The following CRTC1 variants were observed in gnomAD, a reference collection of about 807,000 sequenced individuals.
The protein encoded by CRTC1 is CREB regulated transcription coactivator 1.
CRTC1 carries 18 observed loss-of-function variants against 66.1 expected under a neutral mutation model. That is an observed-to-expected ratio of 0.27 (90% CI 0.19 to 0.40). The LOEUF (loss-of-function observed/expected upper bound fraction) is 0.40, where lower values mean the gene tolerates loss of function less well. Among genes scored for constraint, CRTC1 ranks in the 10% least tolerant of loss-of-function variants. CRTC1 has a pLI of 1.00. For missense variants in CRTC1, 669 were observed against 887.9 expected, an observed-to-expected ratio of 0.75 and a Z score of 3.13; for synonymous variants, 416 against 398.8, an observed-to-expected ratio of 1.04 and a Z score of -0.51.
intron 3 of CRTC1, among the ~76,000 whole-genome samples, chr19:18,746,490 C>T (rs993390694): frequency 3.3e-5 from 5 of 151,818 alleles, no homozygotes; most frequent in African/African-American, 9.6e-5. Flanking sequence ...CCCCCTCCCC[C>T]CCAACTCAGC....
At chr19:18,753,632 T>C in intron 6 of CRTC1, 47 bp downstream of exon 6, 4 of 1,443,252 alleles carry the variant, frequency 2.8e-6, no homozygotes, top group Non-Finnish European at 3.9e-6. Flanking sequence ...CTTTCTCTTC[T>C]CAAGCATCAC....
At chr19:18,693,073 TC>T (rs1204128003) in intron 1 of CRTC1, among the ~76,000 whole-genome samples, 3 of 30,550 alleles carry the variant, frequency 9.8e-5, no homozygotes, top group East Asian at 8.6e-4. Context: ...AGACTCCGTC[TC>T]AAAAAAAAAA....
In CRTC1 at chr19:18,704,987, CTA is replaced by C. The variant is rs2053231116; in HGVS notation, c.126+21161_126+21162del. 2.0e-5 allele frequency among the ~76,000 whole-genome samples: 3 copies of C among 150,222 alleles called. No homozygotes were observed. The South Asian group carries it at 6.4e-4, about 32-fold the overall frequency. ...GCAACCACCATCCTATTTTCCACCT[CTA>C]TGAGTTTGACGACTCCAGGGACCTC... On this transcript the variant is annotated intron_variant, in intron 1 of 13. Coordinates refer to ENST00000321949, the MANE Select transcript of CRTC1 (RefSeq NM_015321.3).
chr19:18,750,201 A>G (rs903859200), intron 5 of CRTC1, among the ~76,000 whole-genome samples: 14 of 152,220 alleles, frequency 9.2e-5, no homozygotes, highest in Non-Finnish European at 1.6e-4. Context: ...AGCCCACGCA[A>G]AGGAGCATTT....
Position 18,742,915 on chromosome 19 carries a change from G to C in CRTC1, c.132G>C (p.Gln44His), listed in dbSNP as rs1205384430. ...DLSLTRAARL[Q>H]LQKSQYLQLG... Reference sequence around the variant, plus strand: ...TGCTGGCTTCTCTCTCGCAGCTCCAGCTCCAGAAATCCCAGTACCTGCAAC... The same window carrying C: ...TGCTGGCTTCTCTCTCGCAGCTCCACCTCCAGAAATCCCAGTACCTGCAAC... The change falls in exon 2 of 14, where the codon CAG (glutamine) becomes CAC (histidine). Residue 44 changes from glutamine (Q) to histidine (H), a missense_variant. This residue lies in a region of CRTC1 where 5 missense variants were observed against 39.0 expected (regional missense o/e 0.13). Transcript: ENST00000321949. The C allele has an allele frequency of 3.7e-6, 6 of 1,613,126 alleles. No homozygotes were observed. Among genetic ancestry groups the C allele is most frequent in the Non-Finnish European group, 5.1e-6 (6 of 1,179,676 alleles).
chr19:18,777,929 T>C lies in CRTC1; in HGVS notation c.*547T>C. The C allele has an allele frequency of 3.9e-6, 1 of 253,660 alleles. No individual in the cohort carries two copies. Among genetic ancestry groups the C allele is most frequent in the Non-Finnish European group, 7.5e-6 (1 of 132,918 alleles). The allele number at this position is 253,660 out of a possible 1,614,324, so 15.7% of individuals were successfully genotyped here. On this transcript the variant is annotated 3_prime_UTR_variant, in exon 14 of 14. Transcript: ENST00000321949. This position sits in a 1 kb window ranked among gnomAD's most constrained non-coding sequence, Gnocchi z 5.5. ...GCCAGAGCGCGGGGCAGACGCAAAGTGAAATAAACACTATTTTGACGGCTG... is the reference window on the plus strand; with the variant it reads ...GCCAGAGCGCGGGGCAGACGCAAAGCGAAATAAACACTATTTTGACGGCTG...
chr19:18,779,376 TGC>T lies in CRTC1; in HGVS notation c.*1996_*1997del, dbSNP rs1241583429. The T allele has an allele frequency of 1.8e-5, 4 of 225,434 alleles. No homozygotes were observed. Among genetic ancestry groups the T allele is most frequent in the Non-Finnish European group, 3.5e-5 (4 of 113,436 alleles). 14.0% of individuals were successfully genotyped at this position (225,434 alleles called of 1,614,324 possible). A position where few individuals can be genotyped will look rare whatever the true frequency, so the allele number is the denominator to read the frequency against. ...CTCCTGCTGCCGTCTTGTTCCAAGG[TGC>T]GGGGGGGACACTGTTGGTCTGTCCA... On this transcript the variant is annotated 3_prime_UTR_variant, in exon 14 of 14. Coordinates refer to ENST00000321949, the MANE Select transcript of CRTC1 (RefSeq NM_015321.3).
At chr19:18,767,142 CAAAAA>C (rs954771770) in intron 9 of CRTC1, among the ~76,000 whole-genome samples, 1 of 151,784 alleles carries the variant, frequency 6.6e-6, no homozygotes, top group Non-Finnish European at 1.5e-5. Context: ...AAAAACAAAA[CAAAAA>C]AACCCTAACA....
At chr19:18,717,747 C>T (rs2053539788) in intron 1 of CRTC1, among the ~76,000 whole-genome samples, 1 of 152,070 alleles carries the variant, frequency 6.6e-6, no homozygotes, top group African/African-American at 2.4e-5. Context: ...CAGAGCAGGG[C>T]CGCAGGGACA....
In CRTC1 at chr19:18,765,332, T is replaced by C. The variant is rs569454806; in HGVS notation, c.887-72T>C. ...GAGCTATTCCCATGCAGTGTGACTG[T>C]GGGTGTGTAAGCAGCCCTTTCTCAG... On this transcript the variant is annotated intron_variant, in intron 8 of 13. Coordinates refer to ENST00000321949, the MANE Select transcript of CRTC1 (RefSeq NM_015321.3). 5.8e-6 allele frequency: 9 copies of C among 1,548,636 alleles called. No homozygotes were observed. In the South Asian group the frequency reaches 1.1e-4, roughly 19 times the overall value.
rs2055029348 is a variant in CRTC1 at position 18,777,864 on chromosome 19, C to T, written c.*482C>T. On this transcript the variant is annotated 3_prime_UTR_variant, in exon 14 of 14. Transcript: ENST00000321949. This position sits in a 1 kb window ranked among gnomAD's most constrained non-coding sequence, Gnocchi z 5.5. ...CCATCCGCCATCCCCAGCCCGTGGT[C>T]AGGTAGAGAGTGAGCCCCACGCCGC... 6.8e-6 allele frequency: 2 copies of T among 292,186 alleles called. No individual in the cohort carries two copies. The highest frequency in any genetic ancestry group is 6.1e-5 in the South Asian group (1 of 16,322). 18.1% of individuals were successfully genotyped at this position (292,186 alleles called of 1,614,324 possible).
chr19:18,706,218 T>A (rs1172980207), intron 1 of CRTC1, among the ~76,000 whole-genome samples: 1 of 108,406 alleles, frequency 9.2e-6, no homozygotes, highest in East Asian at 2.9e-4. Flanking sequence ...TTTTTTTTTT[T>A]TTTTTAGACA....
intron 1 of CRTC1, among the ~76,000 whole-genome samples, chr19:18,690,600 T>G (rs2052806144): frequency 6.6e-6 from 1 of 152,170 alleles, no homozygotes; most frequent in South Asian, 2.1e-4. Flanking sequence ...TCTGCTCACC[T>G]TCTAGCCCTG....
At chr19:18,767,499 C>G (rs2054763151) in intron 9 of CRTC1, among the ~76,000 whole-genome samples, 1 of 152,168 alleles carries the variant, frequency 6.6e-6, no homozygotes, top group African/African-American at 2.4e-5. Context: ...GCGCCCGTCA[C>G]TTGTTTGTTT....
intron 1 of CRTC1, among the ~76,000 whole-genome samples, chr19:18,703,520 A>G (rs4808846): frequency 0.59 from 89,959 of 151,914 alleles, 28,256 homozygotes; most frequent in East Asian, 0.9. Context: ...GTGCAGTGGC[A>G]CGATCTCAGC....
rs369044547 is a variant in CRTC1 at position 18,701,832 on chromosome 19, G to A, written c.126+18004G>A. On this transcript the variant is annotated intron_variant, in intron 1 of 13. Coordinates refer to ENST00000321949, the MANE Select transcript of CRTC1 (RefSeq NM_015321.3). ...GGGGTTTCACCATGTTGGTCGGGCAGGTCTCCAACTCCTGATCTCAAATGA... is the reference window on the plus strand; with the variant it reads ...GGGGTTTCACCATGTTGGTCGGGCAAGTCTCCAACTCCTGATCTCAAATGA... Among the ~76,000 whole-genome samples, 3 of 151,818 alleles carry A rather than the reference G, an allele frequency of 2.0e-5. No homozygotes were observed. In the East Asian group the frequency reaches 5.8e-4, roughly 29 times the overall value.
At chr19:18,700,669 A>G (rs991786434) in intron 1 of CRTC1, among the ~76,000 whole-genome samples, 5 of 152,126 alleles carry the variant, frequency 3.3e-5, no homozygotes, top group African/African-American at 1.2e-4. Flanking sequence ...TCGCCCGGAA[A>G]TCTCTGGGAG....
At chr19:18,762,243 A>C (rs2054630501) in intron 8 of CRTC1, among the ~76,000 whole-genome samples, 1 of 152,176 alleles carries the variant, frequency 6.6e-6, no homozygotes, top group Non-Finnish European at 1.5e-5. Flanking sequence ...TCCAGCAGGC[A>C]CCCAGTCTAA....
intron 1 of CRTC1, among the ~76,000 whole-genome samples, chr19:18,686,475 C>A (rs1053269996): frequency 1.3e-5 from 2 of 152,086 alleles, no homozygotes; most frequent in Non-Finnish European, 2.9e-5. Context: ...TGGTGAAACC[C>A]GTCTCCACTA....
Sources: allele counts gnomAD v4.1 joint callset (sites outside exome capture counted in the v4.1 genomes callset), GRCh38; gene constraint gnomAD v4.1.1; regional missense constraint gnomAD v4.1.1; non-coding constraint Gnocchi (gnomAD v3.1); transcripts MANE v1.5; gene names NCBI Gene and HGNC (gene_info 2026-07-23, HGNC 2026-07-21).